Variants in DDB1 observed in about 807,000 individuals in gnomAD.
The protein encoded by DDB1 is DNA damage-binding protein 1.
DDB1 carries 18 observed loss-of-function variants against 133.1 expected under a neutral mutation model. The observed-to-expected ratio is 0.14, with a 90% CI of 0.09 to 0.20. The LOEUF is 0.20. Ranked by LOEUF, DDB1 falls within the 10% of genes least tolerant of loss-of-function variation. The pLI is 1.00. For missense variants in DDB1, 828 were observed against 1,459.2 expected (o/e 0.57, Z 7.05); for synonymous variants, 580 against 550.5 (o/e 1.05, Z -0.75).
chr11:61,328,073 C>A (rs574579785), intron 4 of DDB1, among the ~76,000 whole-genome samples: 1 of 152,316 alleles, frequency 6.6e-6, no homozygotes, highest in South Asian at 2.1e-4. Flanking sequence ...CTGATCACAG[C>A]TGGCAGCCCT....
At chr11:61,302,959 C>T in intron 23 of DDB1, 87 bp downstream of exon 23, 1 of 1,366,462 alleles carries the variant, frequency 7.3e-7, no homozygotes, top group South Asian at 1.2e-5. Context: ...AGCACCTGAA[C>T]CTGACACAGA....
chr11:61,319,341 C>T (rs1856138912), intron 10 of DDB1, among the ~76,000 whole-genome samples: 1 of 152,210 alleles, frequency 6.6e-6, no homozygotes, highest in African/African-American at 2.4e-5. Context: ...TTAGACTCTG[C>T]CTATTCATCA....
Position 61,304,046 on chromosome 11 carries a change from C to T in DDB1, c.2662-11G>A. ...CTCATAGAGCCGCACCTGGGAAGGGCATTGTCTCTCTCAGCCAAAGGGGCC... is the reference window on the plus strand; with the variant it reads ...CTCATAGAGCCGCACCTGGGAAGGGTATTGTCTCTCTCAGCCAAAGGGGCC... On this transcript the variant is annotated splice_polypyrimidine_tract_variant and intron_variant, in intron 21 of 26. Transcript: ENST00000301764. The T allele has an allele frequency of 6.2e-7, 1 of 1,613,478 alleles. No individual in the cohort carries two copies. Among genetic ancestry groups the T allele is most frequent in the African/African-American group, 1.3e-5 (1 of 75,026 alleles).
chr11:61,329,402 T>A lies in DDB1; in HGVS notation c.510A>T (p.Leu170=). Residue 170 remains leucine, a synonymous_variant, in exon 4 of 27, where the codon CTA becomes CTT. Coordinates refer to ENST00000301764, the MANE Select transcript of DDB1 (RefSeq NM_001923.5). ...EELHVIDVKF[L]YGCQAPTICF... is the part of the protein sequence containing the mutation. ...AAATAGTAGGTGCTTGGCAACCATA[T>A]AGGAACTTGACATCAATGACATGCA... is the stretch of plus-strand genomic sequence containing the variant. 1 of 1,614,186 alleles carries A rather than the reference T, an allele frequency of 6.2e-7. No homozygotes were observed. Among genetic ancestry groups the A allele is most frequent in the Non-Finnish European group, 8.5e-7 (1 of 1,180,028 alleles).
chr11:61,313,526 G>T lies in DDB1; in HGVS notation c.2042C>A (p.Pro681His). 1 of 1,614,120 alleles carries T rather than the reference G, an allele frequency of 6.2e-7. No homozygotes were observed. The highest frequency in any genetic ancestry group is 2.2e-5 in the East Asian group (1 of 44,880). The change falls in exon 16 of 27, where the codon CCC becomes CAC. Residue 681 changes from proline to histidine, a missense_variant. Around this residue, in one of 7 missense-constraint regions of DDB1, gnomAD observed 396 missense variants for 554.1 expected, o/e 0.71. Transcript: ENST00000301764. ...VNLKEVNYMC[P>H]LNSDGYPDSL... ...GTCAGGATAGCCATCTGAATTGAGG[G>T]GACACATGTAGTTCACTTCCTTGAG...
At chr11:61,325,845 G>A (rs1390991114) in intron 5 of DDB1, 137 bp from the exon 6 acceptor site, 1 of 728,190 alleles carries the variant, frequency 1.4e-6, no homozygotes, top group Admixed American at 2.0e-5. Context: ...CAAAGCCCAG[G>A]GAACATGATA....
chr11:61,314,554 G>C (rs1856034680), intron 12 of DDB1, 68 bp from the exon 13 acceptor site: 1 of 1,485,006 alleles, frequency 6.7e-7, no homozygotes. Context: ...GTGGAAAGGT[G>C]GTAAATGCAG....
intron 10 of DDB1, 133 bp from the exon 11 acceptor site, chr11:61,316,700 C>A (rs1388865097): frequency 9.7e-6 from 9 of 926,444 alleles, no homozygotes; most frequent in Admixed American, 3.9e-5. Context: ...GGCAGGAGGA[C>A]TGCTTGGAAC....
rs1327011375 is a variant in DDB1 at position 61,312,491 on chromosome 11, C to CCT, written c.2070-409_2070-408dup. ...GCATCTGCATTTCTTTCTTTTCTTTCCTCTCTCTCTCTCTCTTTTTTTTTT... is the reference window on the plus strand; with the variant it reads ...GCATCTGCATTTCTTTCTTTTCTTTCCTCTCTCTCTCTCTCTCTTTTTTTTTT... On this transcript the variant is annotated intron_variant, in intron 16 of 26. Coordinates refer to ENST00000301764, the MANE Select transcript of DDB1 (RefSeq NM_001923.5). 8.0e-4 allele frequency among the ~76,000 whole-genome samples: 118 copies of CCT among 148,096 alleles called. No individual in the cohort carries two copies. In the East Asian group the frequency reaches 9.2e-3, roughly 12 times the overall value.
Position 61,299,989 on chromosome 11 carries a change from C to T in DDB1, c.*147G>A. 1 of 712,782 alleles carries T rather than the reference C, an allele frequency of 1.4e-6. No homozygotes were observed. The highest frequency in any genetic ancestry group is 2.4e-6 in the Non-Finnish European group (1 of 413,512). 44.2% of individuals were successfully genotyped at this position (712,782 alleles called of 1,614,324 possible). ...TCCCAAGTCTCTATGAAGCCCGCCC[C>T]ACTTCCACATAGGGGAACTGTGGCT... is the stretch of plus-strand genomic sequence containing the variant. On this transcript the variant is annotated 3_prime_UTR_variant, in exon 27 of 27. Coordinates refer to ENST00000301764, the MANE Select transcript of DDB1 (RefSeq NM_001923.5).
chr11:61,331,402 T>C, intron 2 of DDB1, 141 bp downstream of exon 2: 1 of 1,144,712 alleles, frequency 8.7e-7, no homozygotes, highest in Non-Finnish European at 1.2e-6. Flanking sequence ...AGGGATTGCT[T>C]GAGCTCAGGA....
At chr11:61,321,357 T>G in intron 10 of DDB1, 1 of 376,452 alleles carries the variant, frequency 2.7e-6, no homozygotes, top group Non-Finnish European at 4.8e-6. Flanking sequence ...TATAATCTTT[T>G]AATCCCCTAG....
chr11:61,302,514 A>G (rs1855814969), intron 24 of DDB1, 68 bp downstream of exon 24: 2 of 1,602,816 alleles, frequency 1.2e-6, no homozygotes, highest in East Asian at 2.2e-5. Flanking sequence ...TGCTCTCCCC[A>G]GTCCCTCAGA....
intron 10 of DDB1, chr11:61,321,281 T>A (rs538220576): frequency 5.0e-5 from 10 of 201,180 alleles, no homozygotes; most frequent in Non-Finnish European, 8.9e-5. Flanking sequence ...TCATAAAATA[T>A]CCTCAGTCTC....
At chr11:61,330,607 G>A (rs1856351198) in intron 2 of DDB1, among the ~76,000 whole-genome samples, 2 of 151,970 alleles carry the variant, frequency 1.3e-5, no homozygotes, top group Admixed American at 1.3e-4. Flanking sequence ...GTGGTGATTT[G>A]GATGAAAACA....
Position 61,300,018 on chromosome 11 carries a change from G to C in DDB1, c.*118C>G. 1 of 939,492 alleles carries C rather than the reference G, an allele frequency of 1.1e-6. No individual in the cohort carries two copies. The highest frequency in any genetic ancestry group is 1.9e-5 in the Admixed American group (1 of 51,372). 58.2% of individuals were successfully genotyped at this position (939,492 alleles called of 1,614,324 possible). On this transcript the variant is annotated 3_prime_UTR_variant, in exon 27 of 27. Coordinates refer to ENST00000301764, the MANE Select transcript of DDB1 (RefSeq NM_001923.5). ...TCCACATAGGGGAACTGTGGCTCTGGGGGCAGCTGGCTTAGGGAAAGGCCT... is the reference window on the plus strand; with the variant it reads ...TCCACATAGGGGAACTGTGGCTCTGCGGGCAGCTGGCTTAGGGAAAGGCCT...
chr11:61,332,781 G>A, intron 1 of DDB1, 127 bp downstream of exon 1: 4 of 814,084 alleles, frequency 4.9e-6, no homozygotes, highest in Non-Finnish European at 6.9e-6. Context: ...GAGGTTCCTC[G>A]GCCGCCAGCG....
At chr11:61,300,966 A>G (rs1398222206) in intron 25 of DDB1, 34 bp from the exon 26 acceptor site, 45 of 1,613,018 alleles carry the variant, frequency 2.8e-5, no homozygotes, top group Non-Finnish European at 3.7e-5. Context: ...CGTGCTTATC[A>G]GGAAACACCC....
chr11:61,316,210 A>G, intron 12 of DDB1, 75 bp downstream of exon 12: 1 of 1,320,014 alleles, frequency 7.6e-7, no homozygotes, highest in Non-Finnish European at 1.1e-6. Flanking sequence ...GTTGTTTTAA[A>G]ATCCAGTGGT....
Sources: gnomAD v4.1 joint callset for allele counts (sites outside exome capture counted in the v4.1 genomes callset) on GRCh38, gnomAD v4.1.1 for gene constraint, gnomAD v4.1.1 regional missense constraint, MANE v1.5 for transcripts, NCBI Gene and HGNC (gene_info 2026-07-23, HGNC 2026-07-21) for gene names.